GABBR2: variants seen among roughly 807,000 people sequenced by gnomAD.
The protein encoded by GABBR2 is gamma-aminobutyric acid type B receptor subunit 2, also known as G-protein coupled receptor 51.
Under a neutral mutation model 105.6 loss-of-function variants are expected in GABBR2, and 23 were observed. That is an observed-to-expected ratio of 0.22 (90% confidence interval 0.16 to 0.31). The LOEUF (loss-of-function observed/expected upper bound fraction) is 0.31, where lower values mean the gene tolerates loss of function less well. Among genes scored for constraint, GABBR2 ranks in the 10% least tolerant of loss-of-function variants. The probability of loss-of-function intolerance (pLI) is 1.00; values close to 1 mark genes in which losing one functional copy is unlikely to be tolerated. For synonymous variants in GABBR2, 478 were observed against 499.7 expected (o/e 0.96, Z 0.58); for missense variants, 734 against 1,245.5 (o/e 0.59, Z 6.18).
chr9:98,646,835 A>C (rs943440694), intron 1 of GABBR2, among the ~76,000 whole-genome samples: 3 of 152,144 alleles, frequency 2.0e-5, no homozygotes, highest in Admixed American at 6.5e-5. Flanking sequence ...TCCCACACCT[A>C]TCTTGTCCCC....
intron 1 of GABBR2, among the ~76,000 whole-genome samples, chr9:98,650,673 G>A (rs1830091528): frequency 6.6e-6 from 1 of 152,174 alleles, no homozygotes; most frequent in Admixed American, 6.5e-5. Flanking sequence ...GCCAAGAGGG[G>A]GAGGCAACCT....
At chr9:98,344,985 C>T (rs567068890) in intron 13 of GABBR2, among the ~76,000 whole-genome samples, 1 of 152,230 alleles carries the variant, frequency 6.6e-6, no homozygotes, top group South Asian at 2.1e-4. Context: ...CCTCCCAAGC[C>T]CATTCTCATT....
chr9:98,582,625 A>G (rs1329234165), intron 1 of GABBR2, among the ~76,000 whole-genome samples: 1 of 152,216 alleles, frequency 6.6e-6, no homozygotes, highest in African/African-American at 2.4e-5. Context: ...GAAAAATAAG[A>G]ATGACACAGT....
intron 12 of GABBR2, among the ~76,000 whole-genome samples, chr9:98,367,675 C>T (rs954448695): frequency 6.6e-6 from 1 of 152,100 alleles, no homozygotes; most frequent in South Asian, 2.1e-4. Flanking sequence ...GTATGAGAAA[C>T]TCTTTGGGGT....
intron 11 of GABBR2, among the ~76,000 whole-genome samples, chr9:98,383,213 T>C (rs1564042129): frequency 6.6e-6 from 1 of 152,186 alleles, no homozygotes; most frequent in Non-Finnish European, 1.5e-5. Context: ...AGTGCTGGGA[T>C]TATAGGTGTG....
At chr9:98,570,581 C>T (rs1435693028) in intron 2 of GABBR2, among the ~76,000 whole-genome samples, 3 of 152,224 alleles carry the variant, frequency 2.0e-5, no homozygotes. Context: ...CCCCACCCAG[C>T]TCCAAATTCT....
chr9:98,306,016 A>C lies in GABBR2; in HGVS notation c.2229+105T>G. The C allele has an allele frequency of 4.0e-6, 3 of 744,956 alleles. No homozygotes were observed. Among genetic ancestry groups the C allele is most frequent in the South Asian group, 3.6e-5 (2 of 55,470 alleles). The allele number at this position is 744,956 out of a possible 1,614,324, so 46.1% of individuals were successfully genotyped here. The stretch of plus-strand genomic sequence containing the variant: ...TAATGTGAATTGTCTTCATCATAAA[A>C]AAAAAAAGGAATGGGTAAACCTTTT... On this transcript the variant is annotated intron_variant, in intron 15 of 18. Transcript: ENST00000259455. This position sits in a 1 kb window ranked among gnomAD's most constrained non-coding sequence, Gnocchi z 5.4.
intron 1 of GABBR2, among the ~76,000 whole-genome samples, chr9:98,653,719 GCACACACA>G (rs34694230): frequency 1.3e-5 from 2 of 150,144 alleles, no homozygotes; most frequent in African/African-American, 2.5e-5. Flanking sequence ...GAGGTTTTCA[GCACACACA>G]CACACACACA....
At chr9:98,427,735 ATC>A (rs1825723983) in intron 7 of GABBR2, among the ~76,000 whole-genome samples, 2 of 139,524 alleles carry the variant, frequency 1.4e-5, no homozygotes, top group African/African-American at 5.0e-5. Context: ...CAGCCACCGT[ATC>A]ATGAAGACAC....
intron 1 of GABBR2, among the ~76,000 whole-genome samples, chr9:98,600,492 C>T (rs1044407658): frequency 1.3e-5 from 2 of 152,218 alleles, no homozygotes; most frequent in African/African-American, 2.4e-5. Context: ...AGGCAGAATA[C>T]AGATGTGACT....
intron 13 of GABBR2, among the ~76,000 whole-genome samples, chr9:98,343,477 A>C (rs1482918566): frequency 6.6e-6 from 1 of 152,128 alleles, no homozygotes; most frequent in Admixed American, 6.5e-5. Flanking sequence ...GCTTGGGAAA[A>C]AATGAACAAC....
chr9:98,292,784 A>C (rs1015172190), intron 18 of GABBR2, among the ~76,000 whole-genome samples: 3 of 152,186 alleles, frequency 2.0e-5, no homozygotes, highest in African/African-American at 7.2e-5. Flanking sequence ...GTCTGTTAGG[A>C]TCCTGTTCAC....
rs573311158 is a variant in GABBR2 at position 98,630,698 on chromosome 9, G to A, written c.322-52626C>T. On this transcript the variant is annotated intron_variant, in intron 1 of 18. Transcript: ENST00000259455. ...GAAACTAAATTTTCAAGCCAGCAAAGACCACCCAATAAAGGAAAGGAGTCA... is the reference window on the plus strand; with the variant it reads ...GAAACTAAATTTTCAAGCCAGCAAAAACCACCCAATAAAGGAAAGGAGTCA... 6.6e-5 allele frequency among the ~76,000 whole-genome samples: 10 copies of A among 152,214 alleles called. No homozygotes were observed. The East Asian group carries it at 1.9e-3, about 29-fold the overall frequency.
At chr9:98,433,395 T>C (rs1385010346) in intron 7 of GABBR2, among the ~76,000 whole-genome samples, 1 of 152,216 alleles carries the variant, frequency 6.6e-6, no homozygotes, top group Admixed American at 6.5e-5. Context: ...ACTGCCTTCA[T>C]ACATTTACAC....
intron 11 of GABBR2, among the ~76,000 whole-genome samples, chr9:98,383,727 G>A (rs547708463): frequency 5.1e-4 from 77 of 152,332 alleles, no homozygotes; most frequent in Non-Finnish European, 9.1e-4. Flanking sequence ...ATTTCTCGAT[G>A]ATGTGTAACA....
chr9:98,391,081 T>C (rs1832172299), intron 9 of GABBR2, among the ~76,000 whole-genome samples: 1 of 152,206 alleles, frequency 6.6e-6, no homozygotes. Flanking sequence ...CATTCATTCA[T>C]CATTAATGAT....
chr9:98,422,677 T>C (rs1832804168), intron 7 of GABBR2, among the ~76,000 whole-genome samples: 1 of 151,936 alleles, frequency 6.6e-6, no homozygotes, highest in Non-Finnish European at 1.5e-5. Context: ...TAGTTACATA[T>C]GTATACATGT....
intron 1 of GABBR2, among the ~76,000 whole-genome samples, chr9:98,608,394 C>T (rs1829462287): frequency 6.6e-6 from 1 of 152,084 alleles, no homozygotes; most frequent in Non-Finnish European, 1.5e-5. Context: ...AGATTATCTT[C>T]AGTTGAATGC....
intron 3 of GABBR2, among the ~76,000 whole-genome samples, chr9:98,514,024 A>G (rs1432550685): frequency 6.6e-6 from 1 of 151,902 alleles, no homozygotes; most frequent in Non-Finnish European, 1.5e-5. Flanking sequence ...CCAACGATAG[A>G]CTGGATTAAG....
Sources: allele counts gnomAD v4.1 joint callset (sites outside exome capture counted in the v4.1 genomes callset), GRCh38; gene constraint gnomAD v4.1.1; non-coding constraint Gnocchi (gnomAD v3.1); transcripts MANE v1.5; gene names NCBI Gene and HGNC (gene_info 2026-07-23, HGNC 2026-07-21).